The following FHDC1 variants were observed in gnomAD, a reference collection of about 807,000 sequenced individuals.
The protein encoded by FHDC1 is FH2 domain containing 1.
Under a neutral mutation model 52.6 loss-of-function variants are expected in FHDC1, and 25 were observed. That is an observed-to-expected ratio of 0.48 (90% confidence interval 0.35 to 0.66). The LOEUF (loss-of-function observed/expected upper bound fraction) is 0.66. Ranked by LOEUF, FHDC1 falls within the 30% of genes least tolerant of loss-of-function variation. The pLI is 0.01. For synonymous variants in FHDC1, 616 were observed against 581.5 expected (o/e 1.06, Z -0.85); for missense variants, 1,459 against 1,452.8 (o/e 1.00, Z -0.07).
At chr4:152,970,606 C>T (rs1197698629) in intron 10 of FHDC1, among the ~76,000 whole-genome samples, 1 of 152,198 alleles carries the variant, frequency 6.6e-6, no homozygotes, top group African/African-American at 2.4e-5. Context: ...GGCTGGAATC[C>T]ATCTTTCCCC....
intron 9 of FHDC1, among the ~76,000 whole-genome samples, chr4:152,967,491 C>T (rs547622082): frequency 1.3e-5 from 2 of 152,246 alleles, no homozygotes; most frequent in East Asian, 3.9e-4. Context: ...AGAAAGCCTG[C>T]TCTGGCCACC....
At position 152,974,941 on chromosome 4, in the gene FHDC1, G is replaced by A. The variant is rs974713052; in HGVS notation, c.1650G>A (p.Glu550=). Residue 550 remains glutamate, a synonymous_variant, in exon 12 of 12, where the codon GAG becomes GAA. Coordinates refer to ENST00000511601, the MANE Select transcript of FHDC1 (RefSeq NM_001371116.1). ...RLSLGPSADR[E]LLTFLESSTG... ...CCCTGGGTCCCTCTGCTGACCGGGAGCTGCTGACCTTCTTGGAGAGCTCCA... is the reference window on the plus strand; with the variant it reads ...CCCTGGGTCCCTCTGCTGACCGGGAACTGCTGACCTTCTTGGAGAGCTCCA... The A allele has an allele frequency of 6.2e-7, 1 of 1,612,450 alleles. No individual in the cohort carries two copies. The highest frequency in any genetic ancestry group is 8.5e-7 in the Non-Finnish European group (1 of 1,179,878).
At chr4:152,967,007 T>C (rs908530) in intron 9 of FHDC1, among the ~76,000 whole-genome samples, 99,037 of 151,976 alleles carry the variant, frequency 0.65, 32,638 homozygotes, top group African/African-American at 0.74. Context: ...GTGATCCCAA[T>C]TACTTGGAAG....
intron 4 of FHDC1, among the ~76,000 whole-genome samples, chr4:152,954,719 C>T (rs1307830295): frequency 6.6e-6 from 1 of 152,006 alleles, no homozygotes; most frequent in Non-Finnish European, 1.5e-5. Flanking sequence ...AAAAAGCTCA[C>T]ATGCTCACAT....
intron 10 of FHDC1, among the ~76,000 whole-genome samples, chr4:152,970,917 G>A (rs893596393): frequency 2.0e-5 from 3 of 152,164 alleles, no homozygotes; most frequent in African/African-American, 7.2e-5. Context: ...CCCCTCCAAA[G>A]TGGGCAACTT....
rs1579111498 is a variant in FHDC1 at position 152,978,335 on chromosome 4, GGA to G, written c.*1618_*1619del. ...ACTTCCTTCTTTTCTAACATGGCCT[GGA>G]GAGAGTCTCTCTCTCCTTGTCTCTG... On this transcript the variant is annotated 3_prime_UTR_variant, in exon 12 of 12. Transcript: ENST00000511601. 1 of 152,168 alleles carries G rather than the reference GGA, an allele frequency of 6.6e-6. No homozygotes were observed. Among genetic ancestry groups the G allele is most frequent in the African/African-American group, 2.4e-5 (1 of 41,420 alleles). 9.4% of individuals were successfully genotyped at this position (152,168 alleles called of 1,614,324 possible). A position where few individuals can be genotyped will look rare whatever the true frequency, so the allele number is the denominator to read the frequency against.
At chr4:152,935,578 T>C (rs531579327), upstream of FHDC1, among the ~76,000 whole-genome samples, 1 of 152,194 alleles carries the variant, frequency 6.6e-6, no homozygotes, top group Admixed American at 6.5e-5. Context: ...CTTTTTACGC[T>C]TTAATACAAC....
intron 4 of FHDC1, among the ~76,000 whole-genome samples, chr4:152,958,284 T>C (rs1181761744): frequency 6.6e-6 from 1 of 152,218 alleles, no homozygotes; most frequent in Non-Finnish European, 1.5e-5. Flanking sequence ...CACAAAGTTA[T>C]GCCTAACCAT....
Position 152,974,897 on chromosome 4 carries a change from AC to A in FHDC1, c.1609del (p.Arg537AlafsTer16). ...PSSPSYRPPNTRRSRLSLGPS... is the reference protein window; with the variant it reads ...PSSPSYRPPNXRRSRLSLGPS... ...CAGCCCCTCCTACCGGCCCCCGAAC[AC>A]CCGCCGCTCCCGCCTCTCCCTGGGT... On this transcript the variant is annotated frameshift_variant, in exon 12 of 12. Coordinates refer to ENST00000511601, the MANE Select transcript of FHDC1 (RefSeq NM_001371116.1). LOFTEE classifies it low-confidence loss of function (END_TRUNC). 1 of 1,556,452 alleles carries A rather than the reference AC, an allele frequency of 6.4e-7. No individual in the cohort carries two copies. The highest frequency in any genetic ancestry group is 8.6e-7 in the Non-Finnish European group (1 of 1,156,296).
At position 152,964,924 on chromosome 4, in the gene FHDC1, C is replaced by A. The variant is rs758397179; in HGVS notation, c.1049C>A (p.Thr350Asn). The A allele has an allele frequency of 5.8e-5, 94 of 1,612,106 alleles. No homozygotes were observed. Among genetic ancestry groups the A allele is most frequent in the Non-Finnish European group, 4.2e-5 (50 of 1,179,276 alleles). Reference sequence around the variant, plus strand: ...TTCCAGGAAGCCCAAAAGAAAGATACCATTCTTCTAAACTTTTCAGAAAAA... The same window carrying A: ...TTCCAGGAAGCCCAAAAGAAAGATAACATTCTTCTAAACTTTTCAGAAAAA... ...FVAQEAQKKD[T>N]ILLNFSEKLH... Residue 350 changes from threonine (T) to asparagine (N), a missense_variant, in exon 9 of 12, where the codon ACC becomes AAC. Physicochemically the swap from Thr to Asn is moderately conservative, Grantham distance 65. Transcript: ENST00000511601.
intron 11 of FHDC1, among the ~76,000 whole-genome samples, 187 bp from the exon 12 acceptor site, chr4:152,974,488 A>G (rs1740774575): frequency 6.6e-6 from 1 of 151,758 alleles, no homozygotes; most frequent in Non-Finnish European, 1.5e-5. Flanking sequence ...CTCCCTCTAC[A>G]CACACACACA....
rs1471958080 is a variant in FHDC1 at position 152,976,813 on chromosome 4, T to A, written c.*90T>A. 3 of 1,425,236 alleles carry A rather than the reference T, an allele frequency of 2.1e-6. No homozygotes were observed. In the African/African-American group the frequency reaches 4.3e-5, roughly 21 times the overall value. The allele number at this position is 1,425,236 out of a possible 1,614,324, so 88.3% of individuals were successfully genotyped here. A position where few individuals can be genotyped will look rare whatever the true frequency, so the allele number is the denominator to read the frequency against. On this transcript the variant is annotated 3_prime_UTR_variant, in exon 12 of 12. Coordinates refer to ENST00000511601, the MANE Select transcript of FHDC1 (RefSeq NM_001371116.1). ...TGGGGAAAGAGGCAGCATGTCTTTG[T>A]TACAGATAAAGCAGCCACTGGTGCC...
Position 152,974,957 on chromosome 4 carries a change from G to A in FHDC1, c.1666G>A (p.Glu556Lys). Reference sequence around the variant, plus strand: ...TGACCGGGAGCTGCTGACCTTCTTGGAGAGCTCCACCGGCAGCCCTGAGGA... The same window carrying A: ...TGACCGGGAGCTGCTGACCTTCTTGAAGAGCTCCACCGGCAGCCCTGAGGA... ...SADRELLTFL[E>K]SSTGSPEEPN... Residue 556 changes from glutamate (E) to lysine (K), a missense_variant, in exon 12 of 12, where the codon GAG (glutamate) becomes AAG (lysine). Glu to Lys is a moderately conservative substitution (Grantham distance 56). Coordinates refer to ENST00000511601, the MANE Select transcript of FHDC1 (RefSeq NM_001371116.1). 6.2e-7 allele frequency: 1 copy of A among 1,612,428 alleles called. No homozygotes were observed. Among genetic ancestry groups the A allele is most frequent in the South Asian group, 1.1e-5 (1 of 91,052 alleles).
chr4:152,976,442 C>G lies in FHDC1; in HGVS notation c.3151C>G (p.Leu1051Val). Residue 1051 changes from leucine to valine, a missense_variant, in exon 12 of 12, where the codon CTT (leucine) becomes GTT (valine). This residue lies in a region of FHDC1 where 939 missense variants were observed against 854.5 expected (regional missense o/e 1.10). Coordinates refer to ENST00000511601, the MANE Select transcript of FHDC1 (RefSeq NM_001371116.1). The stretch of plus-strand genomic sequence containing the variant: ...CTCCTCTCGAAGCATGAGAACAGAT[C>G]TTCCTCCCGTGGCCAAAGCCCCCGG... ...ASSSRSMRTD[L>V]PPVAKAPGIT... The G allele has an allele frequency of 6.2e-7, 1 of 1,613,740 alleles. No individual in the cohort carries two copies. Among genetic ancestry groups the G allele is most frequent in the Non-Finnish European group, 8.5e-7 (1 of 1,180,032 alleles).
the FHDC1 span, among the ~76,000 whole-genome samples, chr4:152,913,058 A>G: frequency 1.3e-5 from 2 of 152,124 alleles, no homozygotes; most frequent in Admixed American, 6.5e-5. Flanking sequence ...GACTTAGCCA[A>G]CCCCCATCTC....
chr4:152,913,022 A>G, the FHDC1 span, among the ~76,000 whole-genome samples: 4 of 152,156 alleles, frequency 2.6e-5, no homozygotes, highest in Non-Finnish European at 5.9e-5. Flanking sequence ...AGATGAAACT[A>G]TCAAGGCTTC....
At chr4:152,953,036 A>G (rs2149945470) in intron 2 of FHDC1, among the ~76,000 whole-genome samples, 1 of 152,190 alleles carries the variant, frequency 6.6e-6, no homozygotes, top group East Asian at 1.9e-4. Flanking sequence ...CGGGAGGCTG[A>G]GGCAGGAGAA....
At chr4:152,957,208 T>G (rs73863321) in intron 4 of FHDC1, among the ~76,000 whole-genome samples, 274 of 152,360 alleles carry the variant, frequency 1.8e-3, no homozygotes, top group African/African-American at 6.2e-3. Flanking sequence ...TGTAACGCTC[T>G]GTGCTCATTT....
intron 2 of FHDC1, among the ~76,000 whole-genome samples, chr4:152,947,881 TAATA>T (rs1317072642): frequency 6.6e-6 from 1 of 152,322 alleles, no homozygotes; most frequent in African/African-American, 2.4e-5. Context: ...TTATGACAAG[TAATA>T]AATACTTTAT....
Sources: allele counts gnomAD v4.1 joint callset (sites outside exome capture counted in the v4.1 genomes callset), GRCh38; gene constraint gnomAD v4.1.1; regional missense constraint gnomAD v4.1.1; transcripts MANE v1.5; gene names NCBI Gene and HGNC (gene_info 2026-07-23, HGNC 2026-07-21).